The following ANGPT2 variants were observed in gnomAD, a reference collection of about 807,000 sequenced individuals.
The protein encoded by ANGPT2 is angiopoietin-2.
Under a neutral mutation model 62.9 loss-of-function variants are expected in ANGPT2, and 28 were observed. The ratio of observed to expected loss-of-function variants is 0.44; its 90% CI spans 0.33 to 0.61. The LOEUF is 0.61. Among genes scored for constraint, ANGPT2 ranks in the 20% least tolerant of loss-of-function variants. The probability of loss-of-function intolerance (pLI) is 0.03; values close to 1 mark genes in which losing one functional copy is unlikely to be tolerated. For synonymous variants in ANGPT2, 284 were observed against 207.8 expected, an observed-to-expected ratio of 1.37 and a Z score of -3.15; for missense variants, 727 against 594.9, an observed-to-expected ratio of 1.22 and a Z score of -2.31.
intron 1 of ANGPT2, 102 bp from the exon 2 acceptor site, chr8:6,532,589 A>AG: frequency 1.2e-6 from 1 of 868,062 alleles, no homozygotes; most frequent in South Asian, 3.2e-5. Context: ...AAAAAAAAAA[A>AG]AAATCTATCA....
chr8:6,534,138 G>A (rs2922882), intron 1 of ANGPT2, among the ~76,000 whole-genome samples: 3 of 152,018 alleles, frequency 2.0e-5, no homozygotes, highest in African/African-American at 7.3e-5. Flanking sequence ...GGATGCATGA[G>A]AGGCACAGTC....
chr8:6,510,317 C>T (rs6559166), intron 7 of ANGPT2, among the ~76,000 whole-genome samples: 1 of 152,046 alleles, frequency 6.6e-6, no homozygotes, highest in Non-Finnish European at 1.5e-5. Flanking sequence ...AACAGGCACA[C>T]GAAGACCCAG....
rs1825805025 is a variant in ANGPT2, at chr8:6,563,072, T to A, written c.-138A>T. The A allele has an allele frequency of 1.1e-6, 1 of 944,882 alleles. No individual in the cohort carries two copies. The highest frequency in any genetic ancestry group is 2.7e-5 in the East Asian group (1 of 37,364). 58.5% of individuals were successfully genotyped at this position (944,882 alleles called of 1,614,324 possible). ...CCGTCAATGAAAGTCTTCTCTTTCC[T>A]CTTTTTCCAGTAGCAAACCTGGTTT... is the stretch of plus-strand genomic sequence containing the variant. On this transcript the variant is annotated 5_prime_UTR_variant, in exon 1 of 9. Coordinates refer to ENST00000629816, the MANE Select transcript of ANGPT2 (RefSeq NM_001118887.2).
chr8:6,549,384 A>C lies in ANGPT2; in HGVS notation c.288+13263T>G, dbSNP rs535008287. On this transcript the variant is annotated intron_variant, in intron 1 of 8. Transcript: ENST00000629816. ...GATTGTTCCAATTACATGACATTCA[A>C]AACCTAGCAAAATTAACCCATGGTG... is the stretch of plus-strand genomic sequence containing the variant. Among the ~76,000 whole-genome samples, 6 of 152,362 alleles carry C rather than the reference A, an allele frequency of 3.9e-5. No homozygotes were observed. The East Asian group carries it at 9.6e-4, about 24-fold the overall frequency.
intron 7 of ANGPT2, among the ~76,000 whole-genome samples, chr8:6,510,282 T>A (rs575792960): frequency 6.6e-6 from 1 of 152,098 alleles, no homozygotes; most frequent in Non-Finnish European, 1.5e-5. Context: ...TGTTGGCACG[T>A]TGGGTCCTCA....
rs1198571840 is a variant in ANGPT2, at chr8:6,506,005, TTATA to T, written c.1328-2748_1328-2745del. Among the ~76,000 whole-genome samples, 6 of 142,474 alleles carry T rather than the reference TTATA, an allele frequency of 4.2e-5. 1 individual carries two copies. The highest frequency in any genetic ancestry group is 1.3e-4 in the African/African-American group (5 of 38,750). 93.5% of individuals were successfully genotyped at this position (142,474 alleles called of 152,430 possible). A position where few individuals can be genotyped will look rare whatever the true frequency, so the allele number is the denominator to read the frequency against. ...ATATATAAAAACATATACATATTCT[TTATA>T]TATGTATATATATAAAAACATATAT... On this transcript the variant is annotated intron_variant, in intron 8 of 8. Transcript: ENST00000629816.
At chr8:6,512,724 A>C (rs1408226685) in intron 7 of ANGPT2, among the ~76,000 whole-genome samples, 1 of 152,002 alleles carries the variant, frequency 6.6e-6, no homozygotes, top group African/African-American at 2.4e-5. Flanking sequence ...CTCTCTCTCT[A>C]CTCTCATGGC....
rs145034364 is a variant in ANGPT2, at chr8:6,539,823, G to C, written c.289-7336C>G. On this transcript the variant is annotated intron_variant, in intron 1 of 8. Transcript: ENST00000629816. Reference sequence around the variant, plus strand: ...GCTGGTCTGAAACTCCTGACATCAGGCCATCTGCCTGCCTTGGCCTCCCAA... The same window carrying C: ...GCTGGTCTGAAACTCCTGACATCAGCCCATCTGCCTGCCTTGGCCTCCCAA... 2.6e-5 allele frequency among the ~76,000 whole-genome samples: 4 copies of C among 152,294 alleles called. No individual in the cohort carries two copies. The East Asian group carries it at 7.7e-4, about 29-fold the overall frequency.
chr8:6,512,592 C>G (rs3020215), intron 7 of ANGPT2, among the ~76,000 whole-genome samples: 2 of 152,032 alleles, frequency 1.3e-5, no homozygotes, highest in South Asian at 2.1e-4. Context: ...TCTCACTTCT[C>G]TGCCCCTCCC....
chr8:6,515,088 G>GT (rs1554519018), intron 5 of ANGPT2, among the ~76,000 whole-genome samples: 4 of 151,986 alleles, frequency 2.6e-5, no homozygotes, highest in East Asian at 3.8e-4. Context: ...AGAGATTGCT[G>GT]TTTTTTTAGA....
intron 3 of ANGPT2, among the ~76,000 whole-genome samples, chr8:6,521,815 T>A (rs868302609): frequency 1.3e-5 from 2 of 152,216 alleles, no homozygotes; most frequent in Non-Finnish European, 1.5e-5. Context: ...TTGGGTAGGA[T>A]ATTAGCTTTC....
chr8:6,528,209 A>G (rs1276655749), intron 2 of ANGPT2, among the ~76,000 whole-genome samples: 1 of 152,126 alleles, frequency 6.6e-6, no homozygotes, highest in African/African-American at 2.4e-5. Flanking sequence ...TTATGTCTCT[A>G]TCTTGGAAAG....
rs762033126 is a variant in ANGPT2 at position 6,502,231 on chromosome 8, A to G, written c.*870T>C. On this transcript the variant is annotated 3_prime_UTR_variant, in exon 9 of 9. Coordinates refer to ENST00000629816, the MANE Select transcript of ANGPT2 (RefSeq NM_001118887.2). ...AGAAGTTTCCTTATCACAAGGCACA[A>G]TTAGGTCTTTTGGAAACAAATTATA... is the stretch of plus-strand genomic sequence containing the variant. 6.6e-6 allele frequency: 1 copy of G among 152,182 alleles called. No homozygotes were observed. The highest frequency in any genetic ancestry group is 2.4e-5 in the African/African-American group (1 of 41,452). 9.4% of individuals were successfully genotyped at this position (152,182 alleles called of 1,614,324 possible).
intron 1 of ANGPT2, among the ~76,000 whole-genome samples, chr8:6,560,827 T>C (rs1825418035): frequency 6.6e-6 from 1 of 152,210 alleles, no homozygotes; most frequent in Non-Finnish European, 1.5e-5. Flanking sequence ...GAGCTTTGCT[T>C]ATGGAGTTTC....
At position 6,515,857 on chromosome 8, in the gene ANGPT2, G is replaced by A. The variant is rs536384370; in HGVS notation, c.928-1079C>T. 3.5e-4 allele frequency among the ~76,000 whole-genome samples: 53 copies of A among 152,326 alleles called. 2 individuals carry two copies. Among genetic ancestry groups the A allele is most frequent in the African/African-American group, 1.3e-3 (52 of 41,578 alleles). ...CACACTGTTCTCTGTTTACGAGTTA[G>A]AATCCTAAAGAGGAGAGCGAAAAGA... On this transcript the variant is annotated intron_variant, in intron 5 of 8. Coordinates refer to ENST00000629816, the MANE Select transcript of ANGPT2 (RefSeq NM_001118887.2).
At chr8:6,519,076 A>T (rs117576802) in intron 5 of ANGPT2, among the ~76,000 whole-genome samples, 43 of 152,322 alleles carry the variant, frequency 2.8e-4, no homozygotes, top group South Asian at 1.5e-3. Flanking sequence ...GTAATTGGAC[A>T]TATGCCTTGA....
intron 2 of ANGPT2, among the ~76,000 whole-genome samples, chr8:6,530,250 G>T (rs528074758): frequency 7.2e-5 from 11 of 152,184 alleles, no homozygotes; most frequent in Admixed American, 1.3e-4. Context: ...GCTCACGCCT[G>T]TGATCCCAGC....
At chr8:6,506,394 C>G (rs1813735548) in intron 8 of ANGPT2, among the ~76,000 whole-genome samples, 1 of 152,108 alleles carries the variant, frequency 6.6e-6, no homozygotes, top group South Asian at 2.1e-4. Flanking sequence ...AGTCTCTTTT[C>G]CAATTACATT....
chr8:6,560,568 C>CT (rs1006600388), intron 1 of ANGPT2, among the ~76,000 whole-genome samples: 1 of 152,136 alleles, frequency 6.6e-6, no homozygotes, highest in African/African-American at 2.4e-5. Flanking sequence ...CTGAGATAGG[C>CT]TGGGAGAACA....
Sources: allele counts gnomAD v4.1 joint callset (sites outside exome capture counted in the v4.1 genomes callset), GRCh38; gene constraint gnomAD v4.1.1; transcripts MANE v1.5; gene names NCBI Gene and HGNC (gene_info 2026-07-23, HGNC 2026-07-21).